The following CYP4X1 variants were observed in gnomAD, a reference collection of about 807,000 sequenced individuals.
CYP4X1 encodes cytochrome P450 family 4 subfamily X member 1.
A neutral mutation model predicts 57.9 loss-of-function variants in CYP4X1; 44 were observed. The ratio of observed to expected loss-of-function variants is 0.76; its 90% CI spans 0.60 to 0.98. The LOEUF (loss-of-function observed/expected upper bound fraction) is 0.98. Among genes scored for constraint, CYP4X1 ranks in the 50% least tolerant of loss-of-function variants. The pLI, the probability that CYP4X1 is intolerant of heterozygous loss-of-function variation, is 0.00. For missense variants in CYP4X1, 532 were observed against 623.9 expected (o/e 0.85, Z 1.57); for synonymous variants, 227 against 228.6 (o/e 0.99, Z 0.06).
chr1:46,974,905 T>G, the CYP4X1 span, among the ~76,000 whole-genome samples: 2 of 152,096 alleles, frequency 1.3e-5, no homozygotes, highest in Non-Finnish European at 2.9e-5. Flanking sequence ...AAATTGCCAC[T>G]CTGTGCTTTT....
chr1:47,023,209 G>A (rs1474730677), upstream of CYP4X1, among the ~76,000 whole-genome samples: 11 of 152,200 alleles, frequency 7.2e-5, no homozygotes, highest in Admixed American at 7.2e-4. Flanking sequence ...ATTACTATAT[G>A]ATGGTACGCT....
the CYP4X1 span, among the ~76,000 whole-genome samples, chr1:46,971,856 T>A: frequency 6.6e-6 from 1 of 152,210 alleles, no homozygotes; most frequent in Non-Finnish European, 1.5e-5. Context: ...ATGCATACCT[T>A]GCAAATATTT....
chr1:47,004,138 A>G, the CYP4X1 span, among the ~76,000 whole-genome samples: 4 of 152,178 alleles, frequency 2.6e-5, no homozygotes, highest in Admixed American at 6.5e-5. Flanking sequence ...CAAGCAACCA[A>G]TGGAAACCTG....
chr1:47,001,632 G>A, the CYP4X1 span, among the ~76,000 whole-genome samples: 1 of 152,146 alleles, frequency 6.6e-6, no homozygotes, highest in African/African-American at 2.4e-5. Flanking sequence ...TTGCCCTTAC[G>A]CCTCGGTCCA....
chr1:47,035,905 A>T lies in CYP4X1; in HGVS notation c.592A>T (p.Ser198Cys). Residue 198 changes from serine (S) to cysteine (C), a missense_variant, in exon 5 of 12, where the codon AGC becomes TGC. Transcript: ENST00000371901. Reference sequence around the variant, plus strand: ...GGATATAATCATGAAATGCGCTTTCAGCAAGGAGACCAACTGCCAGACAAA... The same window carrying T: ...GGATATAATCATGAAATGCGCTTTCTGCAAGGAGACCAACTGCCAGACAAA... ...SLDIIMKCAF[S>C]KETNCQTNST... 6.2e-7 allele frequency: 1 copy of T among 1,613,764 alleles called. No individual in the cohort carries two copies. The highest frequency in any genetic ancestry group is 8.5e-7 in the Non-Finnish European group (1 of 1,179,772).
At chr1:47,020,679 T>A (rs575263974), upstream of CYP4X1, among the ~76,000 whole-genome samples, 1 of 152,332 alleles carries the variant, frequency 6.6e-6, no homozygotes, top group African/African-American at 2.4e-5. Flanking sequence ...GAATCCCACA[T>A]TGGTGGGCTG....
chr1:46,962,885 C>A, the CYP4X1 span, among the ~76,000 whole-genome samples: 1 of 152,126 alleles, frequency 6.6e-6, no homozygotes, highest in African/African-American at 2.4e-5. Context: ...GTGTGGGAGT[C>A]TAAGTCTCTT....
chr1:46,968,685 TTGAG>T, the CYP4X1 span, among the ~76,000 whole-genome samples: 45 of 151,840 alleles, frequency 3.0e-4, no homozygotes, highest in South Asian at 1.0e-3. Flanking sequence ...CACTCAGTGA[TTGAG>T]TGAGTGAGTG....
At chr1:47,047,941 A>G (rs962177481) in intron 9 of CYP4X1, among the ~76,000 whole-genome samples, 1 of 152,106 alleles carries the variant, frequency 6.6e-6, no homozygotes, top group African/African-American at 2.4e-5. Flanking sequence ...AGTGCTTAAT[A>G]GTCCATTAAT....
chr1:46,997,248 G>A, the CYP4X1 span, among the ~76,000 whole-genome samples: 2 of 152,274 alleles, frequency 1.3e-5, no homozygotes, highest in African/African-American at 2.4e-5. Context: ...AGATTCAGGA[G>A]GTACATGTAC....
At chr1:46,983,596 A>G in the CYP4X1 span, among the ~76,000 whole-genome samples, 1 of 152,226 alleles carries the variant, frequency 6.6e-6, no homozygotes, top group South Asian at 2.1e-4. Flanking sequence ...GGTCGGGAAA[A>G]CCTGCCCAGT....
At chr1:47,032,374 T>A (rs1644134101) in intron 3 of CYP4X1, among the ~76,000 whole-genome samples, 1 of 152,186 alleles carries the variant, frequency 6.6e-6, no homozygotes, top group South Asian at 2.1e-4. Context: ...AGTCATTTAA[T>A]CTCTCCCTAT....
chr1:47,019,986 C>G (rs1643979599), upstream of CYP4X1, among the ~76,000 whole-genome samples: 1 of 152,174 alleles, frequency 6.6e-6, no homozygotes, highest in Non-Finnish European at 1.5e-5. Context: ...CATTTTCCAC[C>G]TTAAATCTTT....
At chr1:47,008,493 G>A in the CYP4X1 span, among the ~76,000 whole-genome samples, 1 of 152,040 alleles carries the variant, frequency 6.6e-6, no homozygotes, top group South Asian at 2.1e-4. Flanking sequence ...AGACCATCAA[G>A]GGCAGGAAAA....
chr1:47,044,857 T>C (rs1644284101), intron 8 of CYP4X1, among the ~76,000 whole-genome samples: 1 of 152,046 alleles, frequency 6.6e-6, no homozygotes, highest in Admixed American at 6.6e-5. Context: ...AGTTTCACTC[T>C]TGTTGCCCAG....
the CYP4X1 span, among the ~76,000 whole-genome samples, chr1:46,976,388 C>A: frequency 6.6e-6 from 1 of 152,120 alleles, no homozygotes; most frequent in South Asian, 2.1e-4. Context: ...GGCAGCCTGG[C>A]TGAGGGAGGG....
chr1:47,037,559 A>G (rs367997319), intron 6 of CYP4X1, among the ~76,000 whole-genome samples: 81 of 152,224 alleles, frequency 5.3e-4, no homozygotes, highest in African/African-American at 1.7e-3. Context: ...CCTCAGCACT[A>G]ATGGCTTCTT....
At chr1:47,036,467 C>CT (rs1425969489) in intron 6 of CYP4X1, among the ~76,000 whole-genome samples, 79 of 149,716 alleles carry the variant, frequency 5.3e-4, no homozygotes, top group Admixed American at 1.4e-3. Flanking sequence ...TGGAATATGG[C>CT]TTTTTGCACA....
intron 7 of CYP4X1, 33 bp downstream of exon 7, chr1:47,038,799 T>G: frequency 6.4e-7 from 1 of 1,574,180 alleles, no homozygotes; most frequent in Non-Finnish European, 8.7e-7. Context: ...CCTGCTCAAG[T>G]GACCAGTTAA....
Sources: gnomAD v4.1 joint callset for allele counts (sites outside exome capture counted in the v4.1 genomes callset) on GRCh38, gnomAD v4.1.1 for gene constraint, MANE v1.5 for transcripts, NCBI Gene and HGNC (gene_info 2026-07-23, HGNC 2026-07-21) for gene names.